ADGB: variants seen among roughly 807,000 people sequenced by gnomAD.
The protein encoded by ADGB is androglobin, also known as calpain-7-like protein.
A neutral mutation model predicts 210.5 loss-of-function variants in ADGB; 172 were observed. The observed-to-expected ratio is 0.82, with a 90% CI of 0.72 to 0.93. ADGB has a LOEUF of 0.93. Ranked by LOEUF, ADGB falls within the 40% of genes least tolerant of loss-of-function variation. The pLI, the probability that ADGB is intolerant of heterozygous loss-of-function variation, is 0.00. For missense variants in ADGB, 2,025 were observed against 1,964.8 expected, an observed-to-expected ratio of 1.03 and a Z score of -0.58; for synonymous variants, 658 against 662.7, an observed-to-expected ratio of 0.99 and a Z score of 0.11.
At chr6:146,715,544 T>A in intron 14 of ADGB, 129 bp downstream of exon 14, 1 of 555,936 alleles carries the variant, frequency 1.8e-6, no homozygotes, top group Non-Finnish European at 3.1e-6. Flanking sequence ...ATTTGCTGAG[T>A]CTAGTCTGCT....
intron 33 of ADGB, 65 bp from the exon 34 acceptor site, chr6:146,801,118 A>C: frequency 1.2e-6 from 1 of 808,816 alleles, no homozygotes; most frequent in East Asian, 3.2e-5. Context: ...AGATATAGTC[A>C]TTTGGTTAGT....
At chr6:146,727,861 T>A (rs1776920723) in intron 19 of ADGB, among the ~76,000 whole-genome samples, 1 of 152,232 alleles carries the variant, frequency 6.6e-6, no homozygotes, top group African/African-American at 2.4e-5. Context: ...TCCATCAGTT[T>A]CTCACCCTAG....
At chr6:146,663,845 T>G (rs1775901304) in intron 5 of ADGB, among the ~76,000 whole-genome samples, 1 of 152,114 alleles carries the variant, frequency 6.6e-6, no homozygotes, top group Non-Finnish European at 1.5e-5. Context: ...CTATGTTAAG[T>G]TATTTGATTA....
rs547332939 is a variant in ADGB, at chr6:146,647,046, G to A, written c.330+2181G>A. Reference sequence around the variant, plus strand: ...AGAATTTTCAGTGAGCCAAGATTGCGCCACTGCACTCCAGCCTGGGTGACA... The same window carrying A: ...AGAATTTTCAGTGAGCCAAGATTGCACCACTGCACTCCAGCCTGGGTGACA... On this transcript the variant is annotated intron_variant, in intron 3 of 35. Coordinates refer to ENST00000397944, the MANE Select transcript of ADGB (RefSeq NM_024694.4). Among the ~76,000 whole-genome samples, 149 of 146,306 alleles carry A rather than the reference G, an allele frequency of 1.0e-3. 3 individuals are homozygous for A. The highest frequency in any genetic ancestry group is 3.6e-3 in the Middle Eastern group (1 of 274).
intron 22 of ADGB, among the ~76,000 whole-genome samples, chr6:146,734,458 G>A (rs1777049175): frequency 6.6e-6 from 1 of 152,114 alleles, no homozygotes; most frequent in Non-Finnish European, 1.5e-5. Context: ...ATAATTAAGT[G>A]AATGAATAAA....
At chr6:146,724,406 A>G (rs1002008261) in intron 18 of ADGB, 79 bp downstream of exon 18, 1 of 1,375,444 alleles carries the variant, frequency 7.3e-7, no homozygotes, top group African/African-American at 1.5e-5. Context: ...GAAGTAAACA[A>G]TATGGACTCT....
intron 13 of ADGB, among the ~76,000 whole-genome samples, chr6:146,711,406 C>T (rs915989850): frequency 6.6e-6 from 1 of 151,798 alleles, no homozygotes; most frequent in African/African-American, 2.4e-5. Flanking sequence ...TGTCTTGCTT[C>T]AGTGCAAACT....
chr6:146,696,845 A>T (rs2114538785), intron 12 of ADGB, among the ~76,000 whole-genome samples: 1 of 152,092 alleles, frequency 6.6e-6, no homozygotes, highest in East Asian at 1.9e-4. Flanking sequence ...ATTTAGAAGT[A>T]CTCTAATTTT....
chr6:146,698,112 T>C (rs1265812514), intron 12 of ADGB, among the ~76,000 whole-genome samples: 1 of 152,224 alleles, frequency 6.6e-6, no homozygotes, highest in African/African-American at 2.4e-5. Flanking sequence ...GATTGTGACA[T>C]GCTTCTGGCA....
At chr6:146,733,011 CT>C in intron 20 of ADGB, 108 bp from the exon 21 acceptor site, 1 of 909,880 alleles carries the variant, frequency 1.1e-6, no homozygotes, top group Non-Finnish European at 1.5e-6. Flanking sequence ...GCGTGTACAT[CT>C]GAGAAATGGT....
intron 3 of ADGB, 53 bp from the exon 4 acceptor site, chr6:146,654,082 A>C: frequency 8.3e-7 from 1 of 1,209,620 alleles, no homozygotes; most frequent in South Asian, 1.6e-5. Flanking sequence ...TCATTAAATT[A>C]CTTTTTTATT....
intron 7 of ADGB, 72 bp downstream of exon 7, chr6:146,666,974 C>G (rs770072653): frequency 4.8e-6 from 6 of 1,240,612 alleles, no homozygotes; most frequent in South Asian, 1.5e-5. Flanking sequence ...ATATTCCTAG[C>G]CTTTAAGAAA....
Position 146,801,858 on chromosome 6 carries a change from A to C in ADGB, c.4665A>C (p.Thr1555=). 1 of 1,550,130 alleles carries C rather than the reference A, an allele frequency of 6.5e-7. No individual in the cohort carries two copies. Among genetic ancestry groups the C allele is most frequent in the Non-Finnish European group, 8.7e-7 (1 of 1,146,306 alleles). ...CAGATACAGATCCTCTGCTGCAAAC[A>C]GATGAATTGAATCAGCAGCAGGCAA... The part of the protein sequence containing the change: ...RKTDTDPLLQ[T]DELNQQQAMQ... The change falls in exon 35 of 36, where the codon ACA becomes ACC. Residue 1555 remains threonine, a synonymous_variant. Transcript: ENST00000397944.
At chr6:146,676,764 C>T (rs765289307) in intron 9 of ADGB, among the ~76,000 whole-genome samples, 1 of 152,134 alleles carries the variant, frequency 6.6e-6, no homozygotes, top group East Asian at 1.9e-4. Flanking sequence ...TTCAAAGTTA[C>T]TTGTTTGTGT....
At chr6:146,629,231 G>T (rs1781024658) in intron 1 of ADGB, among the ~76,000 whole-genome samples, 1 of 152,108 alleles carries the variant, frequency 6.6e-6, no homozygotes, top group Non-Finnish European at 1.5e-5. Flanking sequence ...TAGAGCAGTG[G>T]GTATATTCTG....
At chr6:146,808,884 G>A (rs1778255416) in intron 35 of ADGB, among the ~76,000 whole-genome samples, 1 of 151,578 alleles carries the variant, frequency 6.6e-6, no homozygotes, top group South Asian at 2.1e-4. Flanking sequence ...ACAAAGTCCA[G>A]CGGAGTCAAA....
intron 13 of ADGB, among the ~76,000 whole-genome samples, chr6:146,712,513 G>A (rs1776673397): frequency 6.6e-6 from 1 of 151,796 alleles, no homozygotes; most frequent in South Asian, 2.1e-4. Context: ...GTTCTGTTTT[G>A]TTTTGTTTTT....
intron 1 of ADGB, among the ~76,000 whole-genome samples, chr6:146,603,184 T>C (rs1472988831): frequency 6.6e-6 from 1 of 152,198 alleles, no homozygotes; most frequent in African/African-American, 2.4e-5. Context: ...ATCTGTAATA[T>C]AAACTAATAA....
chr6:146,633,271 C>T (rs1213489070), intron 1 of ADGB, among the ~76,000 whole-genome samples: 2 of 152,090 alleles, frequency 1.3e-5, no homozygotes, highest in Non-Finnish European at 2.9e-5. Flanking sequence ...GTCCAAACCC[C>T]CATTAGTTCT....
Sources: allele counts gnomAD v4.1 joint callset (sites outside exome capture counted in the v4.1 genomes callset), GRCh38; gene constraint gnomAD v4.1.1; transcripts MANE v1.5; gene names NCBI Gene and HGNC (gene_info 2026-07-23, HGNC 2026-07-21).